HEATR5A: variants seen among roughly 807,000 people sequenced by gnomAD.
HEATR5A encodes HEAT repeat containing 5A.
Under a neutral mutation model 218.8 loss-of-function variants are expected in HEATR5A, and 178 were observed. The ratio of observed to expected loss-of-function variants is 0.81; its 90% CI spans 0.72 to 0.92. HEATR5A has a LOEUF of 0.92. Ranked by LOEUF, HEATR5A falls within the 40% of genes least tolerant of loss-of-function variation. The probability of loss-of-function intolerance (pLI) is 0.00; values close to 1 mark genes in which losing one functional copy is unlikely to be tolerated. For synonymous variants in HEATR5A, 864 were observed against 871.6 expected, an observed-to-expected ratio of 0.99 and a Z score of 0.15; for missense variants, 2,420 against 2,418.9, an observed-to-expected ratio of 1.00 and a Z score of -0.01.
chr14:31,349,332 C>G (rs767382816), intron 18 of HEATR5A, among the ~76,000 whole-genome samples: 7 of 151,812 alleles, frequency 4.6e-5, no homozygotes, highest in African/African-American at 1.5e-4. Context: ...TGCAGTAAGC[C>G]GAGATCGCGC....
At chr14:31,317,454 C>T in intron 26 of HEATR5A, among the ~76,000 whole-genome samples, 1 of 151,846 alleles carries the variant, frequency 6.6e-6, no homozygotes, top group East Asian at 1.9e-4. Flanking sequence ...CAACAGACAC[C>T]TGCCACCACG....
chr14:31,363,778 CGA>C (rs1237899230), intron 14 of HEATR5A, among the ~76,000 whole-genome samples: 5 of 152,060 alleles, frequency 3.3e-5, no homozygotes, highest in Non-Finnish European at 7.4e-5. Flanking sequence ...CCCAGGAATT[CGA>C]GACCAGCTTG....
chr14:31,395,148 T>C, intron 5 of HEATR5A, 51 bp downstream of exon 5: 2 of 1,241,666 alleles, frequency 1.6e-6, no homozygotes, highest in South Asian at 3.6e-5. Flanking sequence ...AAGAAGCTGA[T>C]TTACTTTTCT....
chr14:31,293,700 C>A, intron 35 of HEATR5A, 88 bp from the exon 36 acceptor site: 1 of 1,276,478 alleles, frequency 7.8e-7, no homozygotes, highest in Non-Finnish European at 1.1e-6. Context: ...TACATTTTTC[C>A]CCACTAAAGA....
chr14:31,386,711 T>A, intron 8 of HEATR5A, 136 bp from the exon 9 acceptor site: 1 of 687,772 alleles, frequency 1.5e-6, no homozygotes, highest in Non-Finnish European at 2.3e-6. Flanking sequence ...AGGCAATAAC[T>A]AAAATGCTTA....
intron 9 of HEATR5A, among the ~76,000 whole-genome samples, chr14:31,386,047 G>C (rs923783300): frequency 9.2e-5 from 14 of 152,116 alleles, no homozygotes; most frequent in Admixed American, 9.2e-4. Flanking sequence ...TCTGAATAAA[G>C]CTATTATAAA....
At position 31,395,248 on chromosome 14, in the gene HEATR5A, C is replaced by T. The variant is rs1370538249; in HGVS notation, c.548G>A (p.Arg183Lys). 3 of 1,534,094 alleles carry T rather than the reference C, an allele frequency of 2.0e-6. No individual in the cohort carries two copies. Among genetic ancestry groups the T allele is most frequent in the Non-Finnish European group, 2.6e-6 (3 of 1,145,298 alleles). ...PCHRDVYKAARSCLTDRSMAV... is the reference protein window; with the variant it reads ...PCHRDVYKAAKSCLTDRSMAV... ...CATGGATCTATCTGTCAAGCAGGAT[C>T]TAGCAGCTTTATAAACATCCCTGTG... Residue 183 changes from arginine to lysine, a missense_variant, in exon 5 of 36, where the codon AGA becomes AAA. Physicochemically the swap from Arg to Lys is conservative, Grantham distance 26 (BLOSUM62 2). Transcript: ENST00000543095.
chr14:31,413,932 C>T (rs938178111), intron 1 of HEATR5A, among the ~76,000 whole-genome samples: 1 of 152,172 alleles, frequency 6.6e-6, no homozygotes, highest in Non-Finnish European at 1.5e-5. Flanking sequence ...CTTTGTTGTT[C>T]TTTCTCATCA....
intron 22 of HEATR5A, among the ~76,000 whole-genome samples, chr14:31,336,705 C>T (rs150159576): frequency 3.9e-4 from 60 of 152,220 alleles, no homozygotes; most frequent in African/African-American, 1.3e-3. Context: ...TGAGATTCTG[C>T]GGCAAACAGA....
At chr14:31,357,241 C>T (rs1273222505) in intron 16 of HEATR5A, among the ~76,000 whole-genome samples, 5 of 152,202 alleles carry the variant, frequency 3.3e-5, no homozygotes, top group African/African-American at 1.2e-4. Flanking sequence ...ATTTCATTCA[C>T]TTTTCTATGC....
intron 21 of HEATR5A, chr14:31,340,447 T>C: frequency 7.8e-7 from 1 of 1,288,740 alleles, no homozygotes. Context: ...GTCAGGGACC[T>C]ACCAACACAG....
intron 33 of HEATR5A, among the ~76,000 whole-genome samples, chr14:31,300,551 G>A (rs1899337463): frequency 6.6e-6 from 1 of 151,874 alleles, no homozygotes; most frequent in South Asian, 2.1e-4. Context: ...GTGTGATCAA[G>A]GGTCAGCTCC....
At position 31,326,159 on chromosome 14, in the gene HEATR5A, T is replaced by C; in HGVS notation, c.3547+4A>G. 6.2e-7 allele frequency: 1 copy of C among 1,608,772 alleles called. No individual in the cohort carries two copies. Among genetic ancestry groups the C allele is most frequent in the Non-Finnish European group, 8.5e-7 (1 of 1,175,372 alleles). On this transcript the variant is annotated splice_donor_region_variant and intron_variant, in intron 23 of 35. Coordinates refer to ENST00000543095, the MANE Select transcript of HEATR5A (RefSeq NM_015473.4). ...TATTTTAACTGATAATGTCCAATAC[T>C]TACCAGCTGATGCAGCAAGTACATC...
At chr14:31,377,896 T>G (rs749974165) in intron 11 of HEATR5A, among the ~76,000 whole-genome samples, 4 of 152,208 alleles carry the variant, frequency 2.6e-5, no homozygotes, top group Non-Finnish European at 5.9e-5. Context: ...TAATTAAAAC[T>G]TTTAATCCCT....
chr14:31,350,569 TA>T, intron 17 of HEATR5A, 42 bp downstream of exon 17: 2 of 1,123,014 alleles, frequency 1.8e-6, no homozygotes, highest in African/African-American at 1.6e-5. Flanking sequence ...ACAAATTTTT[TA>T]AAAAATGAAG....
At chr14:31,396,751 A>G (rs1364610992) in intron 4 of HEATR5A, among the ~76,000 whole-genome samples, 1 of 152,226 alleles carries the variant, frequency 6.6e-6, no homozygotes, top group Non-Finnish European at 1.5e-5. Context: ...AAATGTTGTG[A>G]TACCTGATCA....
chr14:31,402,834 T>A lies in HEATR5A; in HGVS notation c.126+16A>T. The A allele has an allele frequency of 6.5e-7, 1 of 1,535,866 alleles. No individual in the cohort carries two copies. Among genetic ancestry groups the A allele is most frequent in the Non-Finnish European group, 8.7e-7 (1 of 1,146,628 alleles). On this transcript the variant is annotated intron_variant, in intron 2 of 35. Transcript: ENST00000543095. ...GGGCACTTAAACAAAAAAACAGATG[T>A]TGTCATTTTACCCACCCTGCTGGTT... is the stretch of plus-strand genomic sequence containing the variant.
At position 31,307,892 on chromosome 14, in the gene HEATR5A, C is replaced by G. The variant is rs1284222112; in HGVS notation, c.4818+1G>C. On this transcript the variant is annotated splice_donor_variant, in intron 30 of 35. Coordinates refer to ENST00000543095, the MANE Select transcript of HEATR5A (RefSeq NM_015473.4). LOFTEE classifies it high-confidence loss of function. ...TACAAAAAAAACCCCAGATAAATCA[C>G]CTGATCACTGCCAATTTTTGATCTG... 23 of 1,610,328 alleles carry G rather than the reference C, an allele frequency of 1.4e-5. No homozygotes were observed. The highest frequency in any genetic ancestry group is 2.0e-5 in the Non-Finnish European group (23 of 1,179,048).
At position 31,374,897 on chromosome 14, in the gene HEATR5A, T is replaced by C. The variant is rs1179788223; in HGVS notation, c.1780A>G (p.Lys594Glu). The C allele has an allele frequency of 1.9e-6, 3 of 1,613,324 alleles. No individual in the cohort carries two copies. The highest frequency in any genetic ancestry group is 1.1e-5 in the South Asian group (1 of 90,912). The change falls in exon 12 of 36, where the codon AAA (lysine) becomes GAA (glutamate). Residue 594 changes from lysine (K) to glutamate (E), a missense_variant. Lys to Glu is a moderately conservative substitution (Grantham distance 56). Transcript: ENST00000543095. ...CGGCTCTTTTCTGTTTCTAGATCTTTAGGAGATGCTGGAAAGACACACTTC... is the reference window on the plus strand; with the variant it reads ...CGGCTCTTTTCTGTTTCTAGATCTTCAGGAGATGCTGGAAAGACACACTTC... ...LWKCVFPASP[K>E]DLETEKSRGD...
Sources: gnomAD v4.1 joint callset for allele counts (sites outside exome capture counted in the v4.1 genomes callset) on GRCh38, gnomAD v4.1.1 for gene constraint, MANE v1.5 for transcripts, NCBI Gene and HGNC (gene_info 2026-07-23, HGNC 2026-07-21) for gene names.